The following TNPO3 variants were observed in gnomAD, a reference collection of about 807,000 sequenced individuals.
The protein encoded by TNPO3 is transportin 3.
TNPO3 carries 65 observed loss-of-function variants against 122.8 expected under a neutral mutation model. That is an observed-to-expected ratio of 0.53 (90% CI 0.43 to 0.65). TNPO3 has a LOEUF of 0.65. TNPO3 is among the 30% of genes least tolerant of loss of function. The pLI, the probability that TNPO3 is intolerant of heterozygous loss-of-function variation, is 0.00. For synonymous variants in TNPO3, 372 were observed against 411.2 expected, an observed-to-expected ratio of 0.90 and a Z score of 1.15; for missense variants, 850 against 1,136.7, an observed-to-expected ratio of 0.75 and a Z score of 3.63.
intron 21 of TNPO3, among the ~76,000 whole-genome samples, chr7:128,966,741 T>G (rs1196254867): frequency 6.6e-6 from 1 of 152,232 alleles, no homozygotes; most frequent in Non-Finnish European, 1.5e-5. Flanking sequence ...ACACTTTACA[T>G]TTTAGGCTGT....
upstream of TNPO3, chr7:129,055,928 T>A (rs28364822): frequency 1.4e-3 from 877 of 647,084 alleles, 10 homozygotes; most frequent in East Asian, 0.021. Flanking sequence ...AGTTACAAGA[T>A]CTCATTTAAT....
At chr7:129,017,323 C>T (rs1467864411) in intron 2 of TNPO3, among the ~76,000 whole-genome samples, 1 of 152,122 alleles carries the variant, frequency 6.6e-6, no homozygotes, top group East Asian at 1.9e-4. Flanking sequence ...TATAGACATT[C>T]CTCAAAATAT....
Position 129,028,070 on chromosome 7 carries a change from C to A in TNPO3, c.121-9913G>T, listed in dbSNP as rs141177838. On this transcript the variant is annotated intron_variant, in intron 1 of 22. Coordinates refer to ENST00000265388, the MANE Select transcript of TNPO3 (RefSeq NM_012470.4). ...TCCCAAATATGTGGAAATTAAACAA[C>A]ATACTCAAAAAACCAATGGGTCAAG... Among the ~76,000 whole-genome samples, 487 of 152,218 alleles carry A rather than the reference C, an allele frequency of 3.2e-3. 3 individuals are homozygous for A. Among genetic ancestry groups the A allele is most frequent in the Non-Finnish European group, 2.2e-3 (152 of 68,002 alleles).
At chr7:129,053,132 T>G (rs912245258) in intron 1 of TNPO3, among the ~76,000 whole-genome samples, 1 of 152,116 alleles carries the variant, frequency 6.6e-6, no homozygotes, top group Non-Finnish European at 1.5e-5. Context: ...GAGACCAGCC[T>G]GGCCAACATG....
intron 18 of TNPO3, 151 bp downstream of exon 18, chr7:128,974,717 T>A: frequency 2.9e-6 from 2 of 679,664 alleles, no homozygotes; most frequent in South Asian, 3.7e-5. Context: ...TGGGGATATA[T>A]CAGCTTGCAA....
intron 1 of TNPO3, among the ~76,000 whole-genome samples, chr7:129,042,545 A>C (rs1807509013): frequency 6.6e-6 from 1 of 152,194 alleles, no homozygotes; most frequent in African/African-American, 2.4e-5. Context: ...AAACAGAAAA[A>C]GTAATTTTTT....
intron 5 of TNPO3, among the ~76,000 whole-genome samples, chr7:129,004,637 G>C (rs1301843049): frequency 2.0e-5 from 3 of 152,064 alleles, no homozygotes; most frequent in Non-Finnish European, 4.4e-5. Flanking sequence ...AATTCTTCCT[G>C]TTCTGTTTTT....
At chr7:129,000,707 C>A (rs1563098913) in intron 6 of TNPO3, 140 bp from the exon 7 acceptor site, 2 of 853,840 alleles carry the variant, frequency 2.3e-6, no homozygotes, top group Non-Finnish European at 3.6e-6. Context: ...GTATCACAAT[C>A]CCCATGACAG....
intron 1 of TNPO3, among the ~76,000 whole-genome samples, chr7:129,045,102 A>G (rs999708896): frequency 6.6e-6 from 1 of 152,206 alleles, no homozygotes; most frequent in Admixed American, 6.5e-5. Context: ...CCCATCACAA[A>G]AAGGCTAAAT....
chr7:128,980,176 A>G (rs1388295413), intron 14 of TNPO3, 145 bp from the exon 15 acceptor site: 1 of 736,822 alleles, frequency 1.4e-6, no homozygotes, highest in East Asian at 2.7e-5. Context: ...CATCACCTTT[A>G]TAAGCACATC....
At position 129,053,387 on chromosome 7, in the gene TNPO3, C is replaced by A. The variant is rs550418166; in HGVS notation, c.120+1264G>T. Among the ~76,000 whole-genome samples, 3 of 148,816 alleles carry A rather than the reference C, an allele frequency of 2.0e-5. No homozygotes were observed. The East Asian group carries it at 6.0e-4, about 30-fold the overall frequency. On this transcript the variant is annotated intron_variant, in intron 1 of 22. Transcript: ENST00000265388. The stretch of plus-strand genomic sequence containing the variant: ...GCAGGCACCTGTAATCCCAGCTACT[C>A]GGGAGGCTGAGGCAGGAGAATCTCT...
At chr7:128,984,827 T>A (rs898336355) in intron 12 of TNPO3, among the ~76,000 whole-genome samples, 1 of 152,204 alleles carries the variant, frequency 6.6e-6, no homozygotes, top group Admixed American at 6.5e-5. Flanking sequence ...TCTTTCATTT[T>A]AAAAAAAAGT....
chr7:128,980,095 T>C (rs1799476437), intron 14 of TNPO3, 64 bp from the exon 15 acceptor site: 6 of 1,395,714 alleles, frequency 4.3e-6, no homozygotes, highest in South Asian at 3.5e-5. Flanking sequence ...CCCAGAGCCC[T>C]GATCCCTGCT....
intron 1 of TNPO3, among the ~76,000 whole-genome samples, chr7:129,038,978 G>GT (rs1388628284): frequency 6.6e-6 from 1 of 151,836 alleles, no homozygotes; most frequent in African/African-American, 2.4e-5. Context: ...GAACCTAAAA[G>GT]TTTTTTTAAA....
chr7:129,018,208 T>C, intron 1 of TNPO3, 51 bp from the exon 2 acceptor site: 1 of 1,564,754 alleles, frequency 6.4e-7, no homozygotes, highest in Non-Finnish European at 8.7e-7. Flanking sequence ...TTTTCTAATT[T>C]TAATGACATA....
At chr7:129,036,176 A>G (rs901961960) in intron 1 of TNPO3, among the ~76,000 whole-genome samples, 1 of 151,856 alleles carries the variant, frequency 6.6e-6, no homozygotes, top group Non-Finnish European at 1.5e-5. Context: ...GCTGGTCTTG[A>G]ACTCCTGACC....
intron 1 of TNPO3, among the ~76,000 whole-genome samples, chr7:129,036,600 A>G (rs957855849): frequency 6.6e-6 from 1 of 152,186 alleles, no homozygotes; most frequent in Non-Finnish European, 1.5e-5. Flanking sequence ...GAGTGACAAC[A>G]TTTTAGTTTA....
At chr7:128,982,354 A>T in intron 13 of TNPO3, 30 bp from the exon 14 acceptor site, 1 of 1,591,480 alleles carries the variant, frequency 6.3e-7, no homozygotes, top group Non-Finnish European at 8.6e-7. Context: ...TTAACACCCA[A>T]TTGTCACATG....
chr7:129,016,936 T>C, intron 3 of TNPO3, 47 bp downstream of exon 3: 1 of 1,556,766 alleles, frequency 6.4e-7, no homozygotes. Context: ...CTGTGTAGGT[T>C]AATGGCAATT....
Sources: allele counts gnomAD v4.1 joint callset (sites outside exome capture counted in the v4.1 genomes callset), GRCh38; gene constraint gnomAD v4.1.1; transcripts MANE v1.5; gene names NCBI Gene and HGNC (gene_info 2026-07-23, HGNC 2026-07-21).